The following CDYL2 variants were observed in gnomAD, a reference collection of about 807,000 sequenced individuals.
CDYL2 encodes the protein chromodomain Y-like protein 2.
Under a neutral mutation model 49.4 loss-of-function variants are expected in CDYL2, and 23 were observed. That is an observed-to-expected ratio of 0.47 (90% CI 0.34 to 0.66). The LOEUF (loss-of-function observed/expected upper bound fraction) is 0.66. Ranked by LOEUF, CDYL2 falls within the 30% of genes least tolerant of loss-of-function variation. The pLI is 0.01. For synonymous variants in CDYL2, 360 were observed against 268.8 expected (o/e 1.34, Z -3.32); for missense variants, 678 against 656.4 (o/e 1.03, Z -0.36).
At chr16:80,620,113 C>T (rs769386567) in intron 4 of CDYL2, among the ~76,000 whole-genome samples, 3 of 152,206 alleles carry the variant, frequency 2.0e-5, no homozygotes, top group Non-Finnish European at 4.4e-5. Flanking sequence ...GCTAAACAGC[C>T]GTAGTGTCTA....
chr16:80,669,474 G>T (rs578026598), intron 2 of CDYL2, among the ~76,000 whole-genome samples: 5 of 151,786 alleles, frequency 3.3e-5, no homozygotes, highest in African/African-American at 1.2e-4. Flanking sequence ...ACAAGGAGCC[G>T]CGTCAAGCAG....
chr16:80,718,587 G>A (rs1022554845), intron 1 of CDYL2, among the ~76,000 whole-genome samples: 5 of 152,308 alleles, frequency 3.3e-5, no homozygotes, highest in African/African-American at 1.2e-4. Context: ...AAGCTGGATG[G>A]CAGCCAGGCT....
At chr16:80,660,673 A>T (rs981364031) in intron 2 of CDYL2, among the ~76,000 whole-genome samples, 2 of 152,262 alleles carry the variant, frequency 1.3e-5, no homozygotes, top group African/African-American at 2.4e-5. Context: ...ATATTAAAAG[A>T]CAGAGATAAT....
At chr16:80,708,591 T>C (rs758348738) in intron 1 of CDYL2, among the ~76,000 whole-genome samples, 5 of 152,176 alleles carry the variant, frequency 3.3e-5, no homozygotes, top group Admixed American at 1.3e-4. Flanking sequence ...CCATCCCATT[T>C]TGAGGATGAG....
At chr16:80,711,739 C>T (rs1289161749) in intron 1 of CDYL2, among the ~76,000 whole-genome samples, 1 of 151,588 alleles carries the variant, frequency 6.6e-6, no homozygotes, top group East Asian at 2.0e-4. Flanking sequence ...CTAAGAGGCG[C>T]TTAATAAATA....
chr16:80,668,249 G>A (rs1909353408), intron 2 of CDYL2, among the ~76,000 whole-genome samples: 1 of 152,156 alleles, frequency 6.6e-6, no homozygotes, highest in African/African-American at 2.4e-5. Context: ...AGAAATTGCA[G>A]GACAAGGTGT....
chr16:80,790,719 G>C (rs1907581959), intron 1 of CDYL2, among the ~76,000 whole-genome samples: 2 of 152,148 alleles, frequency 1.3e-5, no homozygotes, highest in Non-Finnish European at 2.9e-5. Flanking sequence ...GAAAAGTTTA[G>C]ATATAAGGTG....
intron 2 of CDYL2, among the ~76,000 whole-genome samples, chr16:80,637,223 C>A (rs1285567368): frequency 6.0e-5 from 2 of 33,534 alleles, no homozygotes; most frequent in Non-Finnish European, 2.3e-4. Context: ...AAAGCACAAA[C>A]TTAAAAAAAA....
At position 80,804,233 on chromosome 16, in the gene CDYL2, G is replaced by C. The variant is rs1908027387; in HGVS notation, c.-60C>G. 7.6e-7 allele frequency: 1 copy of C among 1,323,648 alleles called. No individual in the cohort carries two copies. The highest frequency in any genetic ancestry group is 9.9e-7 in the Non-Finnish European group (1 of 1,008,456). 82.0% of individuals were successfully genotyped at this position (1,323,648 alleles called of 1,614,324 possible). ...GTCTGCTCGCTCGCGCCCTCCGTGC[G>C]TGTGCGCGCGGGGTCCGGTGTGCGC... On this transcript the variant is annotated 5_prime_UTR_variant, in exon 1 of 7. Coordinates refer to ENST00000570137, the MANE Select transcript of CDYL2 (RefSeq NM_152342.4).
intron 2 of CDYL2, among the ~76,000 whole-genome samples, chr16:80,672,076 T>A (rs1017940518): frequency 6.6e-6 from 1 of 152,190 alleles, no homozygotes; most frequent in Admixed American, 6.5e-5. Flanking sequence ...CCTAATCTGA[T>A]AATTGAATGC....
intron 3 of CDYL2, among the ~76,000 whole-genome samples, chr16:80,621,427 C>T (rs1357969847): frequency 6.6e-6 from 1 of 152,244 alleles, no homozygotes; most frequent in African/African-American, 2.4e-5. Context: ...GGCAAGTGGG[C>T]TTTGGCATCA....
At chr16:80,773,932 G>C (rs1462286739) in intron 1 of CDYL2, among the ~76,000 whole-genome samples, 1 of 152,034 alleles carries the variant, frequency 6.6e-6, no homozygotes, top group Non-Finnish European at 1.5e-5. Context: ...CCTCAGTTTA[G>C]TTCTACAAAC....
intron 1 of CDYL2, among the ~76,000 whole-genome samples, chr16:80,691,003 G>C (rs1423267119): frequency 6.6e-6 from 1 of 152,080 alleles, no homozygotes; most frequent in African/African-American, 2.4e-5. Flanking sequence ...ACTGGATTGA[G>C]AAATTGTGGG....
intron 1 of CDYL2, among the ~76,000 whole-genome samples, chr16:80,722,067 T>G (rs1360880609): frequency 6.6e-5 from 10 of 152,062 alleles, no homozygotes; most frequent in Admixed American, 6.5e-4. Context: ...ATAAACAAAT[T>G]AAAATAAAAA....
intron 1 of CDYL2, among the ~76,000 whole-genome samples, chr16:80,746,472 G>A (rs1905934885): frequency 6.6e-6 from 1 of 152,154 alleles, no homozygotes; most frequent in South Asian, 2.1e-4. Flanking sequence ...TGAATTCTGA[G>A]CAATTTTCCT....
intron 2 of CDYL2, among the ~76,000 whole-genome samples, chr16:80,646,455 G>A (rs148467245): frequency 1.3e-5 from 2 of 151,996 alleles, no homozygotes; most frequent in Non-Finnish European, 2.9e-5. Context: ...GAATGTGAAT[G>A]TACTAAACTC....
intron 1 of CDYL2, among the ~76,000 whole-genome samples, chr16:80,755,672 G>C (rs2142568924): frequency 6.6e-6 from 1 of 152,322 alleles, no homozygotes; most frequent in East Asian, 1.9e-4. Context: ...GCTCATCACA[G>C]AGTTACAAAG....
chr16:80,667,243 G>T (rs953951591), intron 2 of CDYL2, among the ~76,000 whole-genome samples: 2 of 152,094 alleles, frequency 1.3e-5, no homozygotes, highest in African/African-American at 4.8e-5. Flanking sequence ...CATCTATCTG[G>T]TTCTTAAGAC....
chr16:80,759,041 T>C (rs1208780996), intron 1 of CDYL2, among the ~76,000 whole-genome samples: 2 of 141,278 alleles, frequency 1.4e-5, no homozygotes, highest in Admixed American at 7.4e-5. Flanking sequence ...TACAGCATAC[T>C]AAGACATATG....
Sources: gnomAD v4.1 joint callset for allele counts (sites outside exome capture counted in the v4.1 genomes callset) on GRCh38, gnomAD v4.1.1 for gene constraint, MANE v1.5 for transcripts, NCBI Gene and HGNC (gene_info 2026-07-23, HGNC 2026-07-21) for gene names.